The following SEMA6D variants were observed in gnomAD, a reference collection of about 807,000 sequenced individuals.
SEMA6D encodes the protein semaphorin 6D.
In SEMA6D, 35 loss-of-function variants were observed where a neutral mutation model predicts 106.6. That is an observed-to-expected ratio of 0.33 (90% CI 0.25 to 0.44). SEMA6D has a LOEUF of 0.44. Among genes scored for constraint, SEMA6D ranks in the 20% least tolerant of loss-of-function variants. SEMA6D has a pLI of 1.00. For missense variants in SEMA6D, 1,185 were observed against 1,345.9 expected, an observed-to-expected ratio of 0.88 and a Z score of 1.87; for synonymous variants, 499 against 487.7, an observed-to-expected ratio of 1.02 and a Z score of -0.31.
At chr15:47,720,214 T>A (rs1320783636) in intron 1 of SEMA6D, among the ~76,000 whole-genome samples, 6 of 147,464 alleles carry the variant, frequency 4.1e-5, no homozygotes, top group African/African-American at 1.2e-4. Flanking sequence ...TACAGAATAT[T>A]CCTACCTGGC....
At chr15:47,279,838 T>C (rs2035024653) in intron 1 of SEMA6D, among the ~76,000 whole-genome samples, 1 of 150,634 alleles carries the variant, frequency 6.6e-6, no homozygotes, top group Admixed American at 6.6e-5. Context: ...TTTATTGATT[T>C]GCATATATTG....
At chr15:47,759,020 G>T (rs756846579) in intron 1 of SEMA6D, among the ~76,000 whole-genome samples, 1 of 152,122 alleles carries the variant, frequency 6.6e-6, no homozygotes, top group Non-Finnish European at 1.5e-5. Context: ...GTGTCCAAAT[G>T]GTTTTATGTA....
chr15:47,254,873 T>TTTTTTGTG (rs1555411182), intron 1 of SEMA6D, among the ~76,000 whole-genome samples: 1 of 49,320 alleles, frequency 2.0e-5, no homozygotes, highest in African/African-American at 8.1e-5. Flanking sequence ...TGACCTGTGG[T>TTTTTTGTG]TTTGTGTGTG....
intron 3 of SEMA6D, among the ~76,000 whole-genome samples, chr15:47,490,092 T>A (rs2043424722): frequency 6.6e-6 from 1 of 152,216 alleles, no homozygotes; most frequent in African/African-American, 2.4e-5. Context: ...AGTACATTTT[T>A]TGCTGTCTGT....
chr15:47,228,022 A>C (rs2031904767), intron 1 of SEMA6D, among the ~76,000 whole-genome samples: 1 of 142,682 alleles, frequency 7.0e-6, no homozygotes, highest in African/African-American at 2.5e-5. Context: ...AGAATCATAT[A>C]TTTTTTATAT....
chr15:47,505,488 C>T (rs775881360), intron 3 of SEMA6D, among the ~76,000 whole-genome samples: 2 of 152,078 alleles, frequency 1.3e-5, no homozygotes, highest in Non-Finnish European at 2.9e-5. Flanking sequence ...CATTTGGGGA[C>T]AATATGAACA....
intron 3 of SEMA6D, among the ~76,000 whole-genome samples, chr15:47,596,580 A>G (rs1378031269): frequency 1.3e-5 from 2 of 152,168 alleles, no homozygotes; most frequent in Admixed American, 6.6e-5. Flanking sequence ...GCATAAAAAT[A>G]GATACATCAA....
intron 4 of SEMA6D, among the ~76,000 whole-genome samples, chr15:47,630,675 C>T (rs530507710): frequency 4.0e-5 from 6 of 151,784 alleles, no homozygotes; most frequent in Admixed American, 3.3e-4. Context: ...TTTGTTCTGA[C>T]CCCTGGAAGA....
chr15:47,345,472 A>G (rs1453003761), intron 1 of SEMA6D, among the ~76,000 whole-genome samples: 2 of 152,154 alleles, frequency 1.3e-5, no homozygotes, highest in Non-Finnish European at 2.9e-5. Context: ...GTTTTTTTCA[A>G]CAAATGGTGC....
chr15:47,506,896 T>A (rs1353177405), intron 3 of SEMA6D, among the ~76,000 whole-genome samples: 1 of 152,144 alleles, frequency 6.6e-6, no homozygotes, highest in Non-Finnish European at 1.5e-5. Flanking sequence ...GCTACACTCA[T>A]CCTCTAATCC....
At chr15:47,199,056 C>G (rs1319702012) in intron 1 of SEMA6D, among the ~76,000 whole-genome samples, 1 of 152,184 alleles carries the variant, frequency 6.6e-6, no homozygotes, top group African/African-American at 2.4e-5. Flanking sequence ...GCCTCAGCAT[C>G]AGCAGTAAGT....
At chr15:47,641,198 T>A (rs1247088692) in intron 4 of SEMA6D, among the ~76,000 whole-genome samples, 1 of 152,084 alleles carries the variant, frequency 6.6e-6, no homozygotes, top group Non-Finnish European at 1.5e-5. Context: ...AACTAATGAA[T>A]GGCCATGGCC....
At chr15:47,721,790 C>T (rs998163778) in intron 1 of SEMA6D, among the ~76,000 whole-genome samples, 1 of 152,118 alleles carries the variant, frequency 6.6e-6, no homozygotes, top group East Asian at 1.9e-4. Context: ...TTCTATTAAG[C>T]TTTTGTTAAC....
Position 47,682,316 on chromosome 15 carries a change from C to T in SEMA6D, c.-54-77429C>T, listed in dbSNP as rs1028991087. On this transcript the variant is annotated intron_variant, in intron 4 of 19. Transcript: ENST00000558014. ...CCGAGTAGCTGGGACTACAGGTGCC[C>T]GCCACCGCGCCTGGCTAATTTTTTG... Among the ~76,000 whole-genome samples the T allele has an allele frequency of 5.3e-5, 8 of 152,032 alleles. No homozygotes were observed. The East Asian group carries it at 5.8e-4, about 11-fold the overall frequency.
intron 3 of SEMA6D, among the ~76,000 whole-genome samples, chr15:47,488,710 A>G (rs2043373044): frequency 6.6e-6 from 1 of 152,148 alleles, no homozygotes; most frequent in South Asian, 2.1e-4. Context: ...CAGAGGAAAC[A>G]ATGTGCAAAG....
At chr15:47,239,155 C>T (rs1260948633) in intron 1 of SEMA6D, among the ~76,000 whole-genome samples, 2 of 152,090 alleles carry the variant, frequency 1.3e-5, no homozygotes, top group African/African-American at 4.8e-5. Context: ...AGCATGAACC[C>T]TATTGTGAAC....
At chr15:47,300,141 C>A (rs1404974342) in intron 1 of SEMA6D, among the ~76,000 whole-genome samples, 1 of 152,178 alleles carries the variant, frequency 6.6e-6, no homozygotes, top group Non-Finnish European at 1.5e-5. Context: ...CTTTGTCCTG[C>A]CTGGTGGGTG....
chr15:47,227,419 C>CTTTCTCTTTCTT lies in SEMA6D; in HGVS notation c.-239+43002_-239+43003insTTCTCTTTCTTT, dbSNP rs1555407167. The stretch of plus-strand genomic sequence containing the variant: ...TTCTACCTTATGTCTTTCTTTCTTT[C>CTTTCTCTTTCTT]TCTTTCTTTCTTTCTTTCTTTTCTT... On this transcript the variant is annotated intron_variant, in intron 1 of 19. Transcript: ENST00000558014. Among the ~76,000 whole-genome samples, 16 of 115,424 alleles carry CTTTCTCTTTCTT rather than the reference C, an allele frequency of 1.4e-4. No homozygotes were observed. The East Asian group carries it at 1.9e-3, about 14-fold the overall frequency. The allele number at this position is 115,424 out of a possible 152,430, so 75.7% of individuals were successfully genotyped here.
intron 8 of SEMA6D, 31 bp downstream of exon 8, chr15:47,762,350 CCAG>C: frequency 1.9e-6 from 3 of 1,609,622 alleles, no homozygotes; most frequent in Non-Finnish European, 2.5e-6. Flanking sequence ...CGTGGGGTCA[CCAG>C]GATAGTGGAT....
Sources: allele counts gnomAD v4.1 joint callset (sites outside exome capture counted in the v4.1 genomes callset), GRCh38; gene constraint gnomAD v4.1.1; transcripts MANE v1.5; gene names NCBI Gene and HGNC (gene_info 2026-07-23, HGNC 2026-07-21).